FAM227B: variants seen among roughly 807,000 people sequenced by gnomAD.
FAM227B encodes the protein family with sequence similarity 227 member B, also known as protein FAM227B.
A neutral mutation model predicts 73.8 loss-of-function variants in FAM227B; 88 were observed. The observed-to-expected ratio is 1.19, with a 90% CI of 1.00 to 1.42. The LOEUF is 1.42. FAM227B is among the 40% of genes most tolerant of loss of function. FAM227B has a pLI of 0.00. For missense variants in FAM227B, 632 were observed against 590.9 expected (o/e 1.07, Z -0.72); for synonymous variants, 210 against 190.5 (o/e 1.10, Z -0.84).
At chr15:49,601,563 G>A (rs540094056) in intron 3 of FAM227B, among the ~76,000 whole-genome samples, 2 of 152,166 alleles carry the variant, frequency 1.3e-5, no homozygotes, top group South Asian at 4.2e-4. Flanking sequence ...TTTTGATATA[G>A]GCATGCAATG....
At chr15:49,518,256 T>C (rs1030129782) in intron 10 of FAM227B, among the ~76,000 whole-genome samples, 3 of 152,212 alleles carry the variant, frequency 2.0e-5, no homozygotes, top group Admixed American at 1.3e-4. Context: ...CCAGCATGGT[T>C]ATCTTTTATC....
At chr15:49,543,723 C>T (rs541099958) in intron 9 of FAM227B, among the ~76,000 whole-genome samples, 1 of 152,204 alleles carries the variant, frequency 6.6e-6, no homozygotes, top group African/African-American at 2.4e-5. Flanking sequence ...ATGTGGTTTG[C>T]CAATTATCCC....
intron 8 of FAM227B, among the ~76,000 whole-genome samples, chr15:49,569,222 C>A (rs1162535926): frequency 1.3e-5 from 2 of 151,622 alleles, no homozygotes; most frequent in Non-Finnish European, 3.0e-5. Context: ...AAATATTGCC[C>A]CCACTTTTTT....
intron 13 of FAM227B, among the ~76,000 whole-genome samples, chr15:49,362,658 G>A (rs1181550281): frequency 1.3e-5 from 2 of 152,050 alleles, no homozygotes; most frequent in Admixed American, 1.3e-4. Context: ...TGTTTTTCTT[G>A]CAATTGCTTT....
At chr15:49,606,334 A>T (rs1468685835) in intron 3 of FAM227B, 1 of 151,992 alleles carries the variant, frequency 6.6e-6, no homozygotes, top group Non-Finnish European at 1.5e-5. Context: ...TCTAATTCCA[A>T]TTCTAACCAT....
At chr15:49,594,063 C>A (rs2076748071) in intron 3 of FAM227B, among the ~76,000 whole-genome samples, 1 of 152,012 alleles carries the variant, frequency 6.6e-6, no homozygotes, top group African/African-American at 2.4e-5. Context: ...TAAAAGTGTT[C>A]CATTTCCACC....
In FAM227B at chr15:49,404,859, C is replaced by T. The variant is rs75182247; in HGVS notation, c.1013-33460G>A. On this transcript the variant is annotated intron_variant, in intron 11 of 15. Coordinates refer to ENST00000299338, the MANE Select transcript of FAM227B (RefSeq NM_152647.3). ...TTTATGTGGTTGTTTTATAGTGTCA[C>T]TGATCTGTGTGTTTTTGTAGTGGCT... Among the ~76,000 whole-genome samples the T allele has an allele frequency of 5.6e-3, 849 of 151,188 alleles. 7 individuals are homozygous for T. The highest frequency in any genetic ancestry group is 0.02 in the African/African-American group (809 of 41,396).
intron 11 of FAM227B, among the ~76,000 whole-genome samples, chr15:49,455,891 T>C (rs1030535425): frequency 2.0e-5 from 3 of 152,122 alleles, no homozygotes; most frequent in African/African-American, 7.2e-5. Context: ...ATGCTCCTCT[T>C]AATTTTTCAC....
At chr15:49,524,076 G>A (rs2059977353) in intron 10 of FAM227B, among the ~76,000 whole-genome samples, 1 of 152,224 alleles carries the variant, frequency 6.6e-6, no homozygotes, top group Non-Finnish European at 1.5e-5. Flanking sequence ...CATTTTCTGA[G>A]GAGAAATTCA....
chr15:49,544,814 G>C (rs1041657652), intron 9 of FAM227B, among the ~76,000 whole-genome samples: 1 of 151,982 alleles, frequency 6.6e-6, no homozygotes, highest in Non-Finnish European at 1.5e-5. Context: ...TTGACATATT[G>C]ATGGTATGTT....
chr15:49,343,112 A>G (rs1024186423), intron 13 of FAM227B, among the ~76,000 whole-genome samples: 3 of 152,136 alleles, frequency 2.0e-5, no homozygotes, highest in African/African-American at 2.4e-5. Context: ...TATTCCTTCA[A>G]ATATGTTTTC....
chr15:49,586,838 A>G (rs377305708), intron 5 of FAM227B, among the ~76,000 whole-genome samples: 9 of 152,182 alleles, frequency 5.9e-5, no homozygotes. Flanking sequence ...ACCATCTCAC[A>G]TCAGTCAGAA....
rs150585623 is a variant in FAM227B, at chr15:49,518,501, G to A, written c.875-10153C>T. ...TTATCAAGAAAAAAGAGGTTTAATG[G>A]ACTCACAGTTTCACACGGCTGGGGA... On this transcript the variant is annotated intron_variant, in intron 10 of 15. Coordinates refer to ENST00000299338, the MANE Select transcript of FAM227B (RefSeq NM_152647.3). Among the ~76,000 whole-genome samples, 137 of 152,210 alleles carry A rather than the reference G, an allele frequency of 9.0e-4. 2 individuals carry two copies. The East Asian group carries it at 0.024, about 26-fold the overall frequency.
intron 8 of FAM227B, among the ~76,000 whole-genome samples, chr15:49,569,262 T>G (rs2074913058): frequency 6.6e-6 from 1 of 151,882 alleles, no homozygotes; most frequent in African/African-American, 2.4e-5. Flanking sequence ...TCTTCCCTAT[T>G]TTTTAATAGT....
intron 13 of FAM227B, among the ~76,000 whole-genome samples, chr15:49,357,289 T>C (rs1567141095): frequency 6.6e-6 from 1 of 150,516 alleles, no homozygotes; most frequent in African/African-American, 2.5e-5. Context: ...AATTAGTGAA[T>C]CCAGGAGCTG....
intron 6 of FAM227B, 61 bp from the exon 7 acceptor site, chr15:49,576,906 C>T: frequency 1.1e-6 from 1 of 879,844 alleles, no homozygotes; most frequent in Non-Finnish European, 1.8e-6. Context: ...ATAGTAGACT[C>T]ATATAACTAC....
In FAM227B at chr15:49,584,842, G is replaced by A. The variant is rs574701756; in HGVS notation, c.405+3174C>T. Among the ~76,000 whole-genome samples, 15 of 151,828 alleles carry A rather than the reference G, an allele frequency of 9.9e-5. 1 individual carries two copies. The highest frequency in any genetic ancestry group is 1.5e-4 in the Non-Finnish European group (10 of 67,910). ...CTACAAGAACTACAAAACACTTCTCGGATCTAATTAAACTAAAGAGCTTCT... is the reference window on the plus strand; with the variant it reads ...CTACAAGAACTACAAAACACTTCTCAGATCTAATTAAACTAAAGAGCTTCT... On this transcript the variant is annotated intron_variant, in intron 5 of 15. Coordinates refer to ENST00000299338, the MANE Select transcript of FAM227B (RefSeq NM_152647.3).
intron 9 of FAM227B, among the ~76,000 whole-genome samples, chr15:49,549,784 T>A (rs961556864): frequency 8.5e-5 from 13 of 152,210 alleles, no homozygotes; most frequent in Admixed American, 1.3e-4. Flanking sequence ...CCACTTTCTA[T>A]TCCACAAAAC....
At chr15:49,329,422 C>T in intron 15 of FAM227B, 1 of 984,760 alleles carries the variant, frequency 1.0e-6, no homozygotes. Flanking sequence ...AAAAAAATAT[C>T]AGAATTACTT....
Sources: gnomAD v4.1 joint callset for allele counts (sites outside exome capture counted in the v4.1 genomes callset) on GRCh38, gnomAD v4.1.1 for gene constraint, MANE v1.5 for transcripts, NCBI Gene and HGNC (gene_info 2026-07-23, HGNC 2026-07-21) for gene names.